The following GPHN variants were observed in gnomAD, a reference collection of about 807,000 sequenced individuals.
GPHN encodes gephyrin.
In GPHN, 17 loss-of-function variants were observed where a neutral mutation model predicts 95.5. The observed-to-expected ratio is 0.18, with a 90% confidence interval of 0.12 to 0.27. The LOEUF (loss-of-function observed/expected upper bound fraction) is 0.27, where lower values mean the gene tolerates loss of function less well. Among genes scored for constraint, GPHN ranks in the 10% least tolerant of loss-of-function variants. The probability of loss-of-function intolerance (pLI) is 1.00; values close to 1 mark genes in which losing one functional copy is unlikely to be tolerated. For missense variants in GPHN, 660 were observed against 978.1 expected, an observed-to-expected ratio of 0.67 and a Z score of 4.34; for synonymous variants, 320 against 322.5, an observed-to-expected ratio of 0.99 and a Z score of 0.08.
At chr14:67,655,137 C>T in the GPHN span, among the ~76,000 whole-genome samples, 2 of 150,434 alleles carry the variant, frequency 1.3e-5, no homozygotes, top group Non-Finnish European at 2.9e-5. Flanking sequence ...CCCAGGAGTT[C>T]GAGAGCAACT....
chr14:66,614,641 T>C (rs945439740), intron 1 of GPHN, among the ~76,000 whole-genome samples: 19 of 151,120 alleles, frequency 1.3e-4, no homozygotes, highest in African/African-American at 4.6e-4. Context: ...ATAGAAATGA[T>C]AATAGTGCAT....
the GPHN span, chr14:67,302,436 C>T: frequency 1.3e-6 from 2 of 1,595,552 alleles, no homozygotes; most frequent in Middle Eastern, 1.7e-4. Context: ...ATGAAATGGA[C>T]TCTGTCATCA....
the GPHN span, among the ~76,000 whole-genome samples, chr14:67,715,678 G>C: frequency 2.0e-5 from 3 of 152,132 alleles, no homozygotes; most frequent in East Asian, 5.8e-4. Context: ...CTGAAGGAGT[G>C]ACTCACCATT....
the GPHN span, among the ~76,000 whole-genome samples, chr14:67,187,475 C>T: frequency 6.6e-6 from 1 of 152,216 alleles, no homozygotes; most frequent in Non-Finnish European, 1.5e-5. Context: ...GACACTGCCA[C>T]TGCCACTACC....
At chr14:67,573,478 C>A in the GPHN span, 9 of 878,420 alleles carry the variant, frequency 1.0e-5, no homozygotes, top group South Asian at 1.4e-4. This position sits in a 1 kb window ranked among gnomAD's most constrained non-coding sequence, Gnocchi z 4.8. Context: ...GGAATGTGGC[C>A]CAAGGCCAGA....
At chr14:66,990,473 G>A (rs997181050) in intron 9 of GPHN, among the ~76,000 whole-genome samples, 7 of 152,090 alleles carry the variant, frequency 4.6e-5, no homozygotes, top group African/African-American at 1.2e-4. Context: ...TCTGTTGGTC[G>A]CGTCTTCTAC....
the GPHN span, among the ~76,000 whole-genome samples, chr14:67,666,462 T>C: frequency 6.6e-6 from 1 of 152,242 alleles, no homozygotes; most frequent in Non-Finnish European, 1.5e-5. Context: ...AGAACTTCAC[T>C]ACATTTATGA....
At chr14:67,233,103 C>T in the GPHN span, among the ~76,000 whole-genome samples, 1 of 127,388 alleles carries the variant, frequency 7.9e-6, no homozygotes, top group Non-Finnish European at 1.5e-5. Flanking sequence ...CTCCATTCCA[C>T]CAACACATTT....
intron 1 of GPHN, among the ~76,000 whole-genome samples, chr14:66,675,663 GAAATCTTTA>G (rs2066546948): frequency 6.6e-6 from 1 of 151,446 alleles, no homozygotes; most frequent in African/African-American, 2.4e-5. Context: ...CTGTGCCTTT[GAAATCTTTA>G]AAATCTTTGC....
intron 1 of GPHN, among the ~76,000 whole-genome samples, chr14:66,553,601 A>G (rs1194350581): frequency 6.6e-6 from 1 of 151,400 alleles, no homozygotes; most frequent in Non-Finnish European, 1.5e-5. Flanking sequence ...TTTTTGAGCC[A>G]GAGTCTCACT....
At chr14:66,914,014 GA>G in intron 5 of GPHN, among the ~76,000 whole-genome samples, 1 of 151,802 alleles carries the variant, frequency 6.6e-6, no homozygotes, top group East Asian at 1.9e-4. Flanking sequence ...AAATGAGAAA[GA>G]ATACATAAAT....
chr14:67,373,842 AGTGTGTGTGTGTGTGTGT>A, the GPHN span, among the ~76,000 whole-genome samples: 1 of 145,686 alleles, frequency 6.9e-6, no homozygotes, highest in African/African-American at 2.5e-5. Flanking sequence ...TAATTTGTTC[AGTGTGTGTGTGTGTGTGT>A]GTGTGTGTGT....
the GPHN span, chr14:67,722,705 C>T: frequency 8.1e-6 from 13 of 1,613,306 alleles, no homozygotes; most frequent in South Asian, 5.5e-5. Context: ...TAGCTCCATC[C>T]ATCAGGTTTG....
At chr14:67,683,576 G>T in the GPHN span, among the ~76,000 whole-genome samples, 1 of 152,188 alleles carries the variant, frequency 6.6e-6, no homozygotes, top group Admixed American at 6.5e-5. Context: ...AGTTTGAAGA[G>T]AGCATTAATA....
chr14:67,561,838 T>A, the GPHN span: 2 of 746,244 alleles, frequency 2.7e-6, no homozygotes, highest in South Asian at 3.7e-5. Context: ...CCACTGCAAT[T>A]CAGTCTGGCC....
At position 67,143,440 on chromosome 14, in the gene GPHN, G is replaced by T; in HGVS notation, c.1827G>T (p.Met609Ile). The change falls in exon 18 of 23, where the codon ATG becomes ATT. Residue 609 changes from methionine to isoleucine, a missense_variant. Physicochemically the swap from Met to Ile is conservative, Grantham distance 10 (BLOSUM62 1). This residue lies in a region of GPHN where 257 missense variants were observed against 376.2 expected (regional missense o/e 0.68). Transcript: ENST00000478722. ...DVIITSGGVS[M>I]GEKDYLKQVL... Reference sequence around the variant, plus strand: ...TCATCACATCAGGGGGTGTATCCATGGGGGAAAAGGTATGAAAGATAGGGC... The same window carrying T: ...TCATCACATCAGGGGGTGTATCCATTGGGGAAAAGGTATGAAAGATAGGGC... 6.3e-7 allele frequency: 1 copy of T among 1,583,232 alleles called. No homozygotes were observed. The highest frequency in any genetic ancestry group is 8.7e-7 in the Non-Finnish European group (1 of 1,151,954).
intron 1 of GPHN, among the ~76,000 whole-genome samples, chr14:66,666,601 T>G (rs1221758645): frequency 2.0e-5 from 3 of 152,030 alleles, no homozygotes; most frequent in Non-Finnish European, 4.4e-5. Context: ...TGAAAAACTC[T>G]GACCAAACTA....
At chr14:66,904,361 T>C (rs1343384909) in intron 5 of GPHN, among the ~76,000 whole-genome samples, 1 of 152,134 alleles carries the variant, frequency 6.6e-6, no homozygotes, top group Non-Finnish European at 1.5e-5. Flanking sequence ...AGTGTGCTGA[T>C]TTGTCCATTT....
At chr14:67,573,312 G>T in the GPHN span, 1 of 1,613,700 alleles carries the variant, frequency 6.2e-7, no homozygotes, top group Non-Finnish European at 8.5e-7. The surrounding 1 kb of genome is among the most constrained non-coding windows in gnomAD (Gnocchi z 4.8). Context: ...GCTGAAAATG[G>T]GGAGCCAGGT....
Sources: allele counts gnomAD v4.1 joint callset (sites outside exome capture counted in the v4.1 genomes callset), GRCh38; gene constraint gnomAD v4.1.1; regional missense constraint gnomAD v4.1.1; non-coding constraint Gnocchi (gnomAD v3.1); transcripts MANE v1.5; gene names NCBI Gene and HGNC (gene_info 2026-07-23, HGNC 2026-07-21).